Variants in ACSL6 observed in about 807,000 individuals in gnomAD.
ACSL6 encodes long-chain-fatty-acid--CoA ligase 6.
A neutral mutation model predicts 98.2 loss-of-function variants in ACSL6; 47 were observed. The ratio of observed to expected loss-of-function variants is 0.48; its 90% confidence interval spans 0.38 to 0.61. ACSL6 has a LOEUF of 0.61. Ranked by LOEUF, ACSL6 falls within the 20% of genes least tolerant of loss-of-function variation. The probability of loss-of-function intolerance (pLI) is 0.00; values close to 1 mark genes in which losing one functional copy is unlikely to be tolerated. For missense variants in ACSL6, 761 were observed against 913.4 expected (o/e 0.83, Z 2.15); for synonymous variants, 362 against 336.9 (o/e 1.07, Z -0.82).
intron 1 of ACSL6, among the ~76,000 whole-genome samples, chr5:132,001,563 C>T (rs1461291025): frequency 1.3e-5 from 2 of 152,212 alleles, no homozygotes; most frequent in Non-Finnish European, 2.9e-5. Flanking sequence ...GGATACGATA[C>T]GGGGTTGCCA....
chr5:131,963,187 G>T (rs1752826057), intron 17 of ACSL6, among the ~76,000 whole-genome samples: 1 of 152,144 alleles, frequency 6.6e-6, no homozygotes, highest in Admixed American at 6.5e-5. Flanking sequence ...GAGCCCCTGT[G>T]ACTCCTACCT....
rs748749458 is a variant in ACSL6, at chr5:131,959,543, A to T, written c.2024T>A (p.Phe675Tyr). The change falls in exon 20 of 21, where the codon TTT becomes TAT. Residue 675 changes from phenylalanine to tyrosine, a missense_variant. By Grantham distance (22) the Phe-to-Tyr change is conservative. Coordinates refer to ENST00000651883, the MANE Select transcript of ACSL6 (RefSeq NM_001009185.3). ...GGGGAAGGTAACAGTTACCTGCTCA[A>T]AAGAATGGAGTCCACTTTCTTTTCC... ...RLGKESGLHS[F>Y]EQVKAIHIHS... 1 of 1,614,094 alleles carries T rather than the reference A, an allele frequency of 6.2e-7. No homozygotes were observed. The highest frequency in any genetic ancestry group is 1.3e-5 in the African/African-American group (1 of 74,942).
At chr5:131,999,667 G>C (rs1195101984) in intron 1 of ACSL6, 1 of 152,338 alleles carries the variant, frequency 6.6e-6, no homozygotes, top group Non-Finnish European at 1.5e-5. Context: ...TGTGGGAGCA[G>C]GTCTGGCAGG....
intron 13 of ACSL6, among the ~76,000 whole-genome samples, chr5:131,971,958 T>C (rs1438473381): frequency 6.6e-6 from 1 of 152,222 alleles, no homozygotes; most frequent in Non-Finnish European, 1.5e-5. Context: ...AATACACAGC[T>C]GTTCCGTCAC....
At position 132,001,124 on chromosome 5, in the gene ACSL6, G is replaced by T. The variant is rs535821888; in HGVS notation, c.50-6873C>A. Reference sequence around the variant, plus strand: ...TTACTTTTCTCCAAATATCTTCAGAGATGCTTTTAATATGAAAGCTTCCTT... The same window carrying T: ...TTACTTTTCTCCAAATATCTTCAGATATGCTTTTAATATGAAAGCTTCCTT... On this transcript the variant is annotated intron_variant, in intron 1 of 20. Transcript: ENST00000651883. Among the ~76,000 whole-genome samples, 641 of 152,356 alleles carry T rather than the reference G, an allele frequency of 4.2e-3. 4 individuals are homozygous for T. Among genetic ancestry groups the T allele is most frequent in the African/African-American group, 0.013 (557 of 41,588 alleles).
At position 131,988,042 on chromosome 5, in the gene ACSL6, C is replaced by A. The variant is rs748175474; in HGVS notation, c.831+6G>T. The A allele has an allele frequency of 1.2e-6, 2 of 1,612,632 alleles. No homozygotes were observed. The highest frequency in any genetic ancestry group is 1.7e-6 in the Non-Finnish European group (2 of 1,179,100). On this transcript the variant is annotated splice_donor_region_variant and intron_variant, in intron 7 of 20. Transcript: ENST00000651883. ...CCCAGCAAACCGCCCAGAAGCAGAC[C>A]CTCACCTCCACGGCCTGCATGGACT... is the stretch of plus-strand genomic sequence containing the variant.
chr5:131,981,830 C>T (rs1753909006), intron 9 of ACSL6: 1 of 152,386 alleles, frequency 6.6e-6, no homozygotes, highest in Admixed American at 6.6e-5. Flanking sequence ...ACAGCACCAG[C>T]TCCTCCACCC....
rs564352613 is a variant in ACSL6 at position 132,000,741 on chromosome 5, G to A, written c.50-6490C>T. The stretch of plus-strand genomic sequence containing the variant: ...CCCTACCCACATCAGGTGCTTCTGG[G>A]CAATTACGAGTCTGCCTGCACTGGG... On this transcript the variant is annotated intron_variant, in intron 1 of 20. Coordinates refer to ENST00000651883, the MANE Select transcript of ACSL6 (RefSeq NM_001009185.3). 2.6e-5 allele frequency among the ~76,000 whole-genome samples: 4 copies of A among 152,278 alleles called. No homozygotes were observed. In the East Asian group the frequency reaches 7.7e-4, roughly 29 times the overall value.
rs139102621 is a variant in ACSL6 at position 131,980,192 on chromosome 5, G to A, written c.917-3471C>T. 4.5e-4 allele frequency among the ~76,000 whole-genome samples: 68 copies of A among 152,304 alleles called. No individual in the cohort carries two copies. The East Asian group carries it at 5.4e-3, about 12-fold the overall frequency. ...CAAAGGTGGGTTATAATAGTTACCG[G>A]TGACTGACATTCTCTGGAAGTTTCA... On this transcript the variant is annotated intron_variant, in intron 9 of 20. Coordinates refer to ENST00000651883, the MANE Select transcript of ACSL6 (RefSeq NM_001009185.3).
intron 11 of ACSL6, chr5:131,974,015 C>T (rs1213109327): frequency 6.6e-6 from 1 of 152,516 alleles, no homozygotes; most frequent in Non-Finnish European, 1.5e-5. Context: ...GAACACAAAG[C>T]TCAGAGAGGT....
Position 131,966,219 on chromosome 5 carries a change from C to G in ACSL6, c.1713+197G>C, listed in dbSNP as rs551666823. 5.3e-5 allele frequency among the ~76,000 whole-genome samples: 8 copies of G among 152,268 alleles called. No individual in the cohort carries two copies. In the South Asian group the frequency reaches 1.7e-3, roughly 32 times the overall value. On this transcript the variant is annotated intron_variant, in intron 17 of 20. Transcript: ENST00000651883. ...ACACCCACCTGCACAGGTCCCTCAT[C>G]ACCTTCATGAGACGGAGTGAGAAGA...
chr5:132,000,339 A>T (rs927914265), intron 1 of ACSL6, among the ~76,000 whole-genome samples: 1 of 152,042 alleles, frequency 6.6e-6, no homozygotes, highest in African/African-American at 2.4e-5. Flanking sequence ...GCCTGCACTA[A>T]GAGATACTGT....
chr5:131,995,623 C>A (rs956798735), intron 1 of ACSL6, among the ~76,000 whole-genome samples: 1 of 152,186 alleles, frequency 6.6e-6, no homozygotes, highest in East Asian at 1.9e-4. Context: ...AATTGCTTGA[C>A]CCCTGAGAGA....
chr5:131,995,378 T>C (rs966080138), intron 1 of ACSL6, among the ~76,000 whole-genome samples: 10 of 152,154 alleles, frequency 6.6e-5, no homozygotes, highest in African/African-American at 2.4e-4. Flanking sequence ...AGGTGATGGG[T>C]GCTGGCATCC....
intron 1 of ACSL6, 87 bp from the exon 2 acceptor site, chr5:131,994,338 T>G (rs1754682844): frequency 1.7e-6 from 2 of 1,164,758 alleles, no homozygotes. Context: ...ATATCTGGTC[T>G]GAAACACTGT....
Position 131,981,344 on chromosome 5 carries a change from A to C in ACSL6, c.916+4063T>G, listed in dbSNP as rs1033252568. Among the ~76,000 whole-genome samples the C allele has an allele frequency of 1.3e-4, 19 of 151,386 alleles. No homozygotes were observed. In the South Asian group the frequency reaches 1.9e-3, roughly 15 times the overall value. On this transcript the variant is annotated intron_variant, in intron 9 of 20. Transcript: ENST00000651883. ...TATTAAAAAAAAAAAAAAAAAAAAA[A>C]ACACAACTTTCTCCTCAAGTATAAC... is the stretch of plus-strand genomic sequence containing the variant.
Position 131,990,644 on chromosome 5 carries a change from G to A in ACSL6, c.385+209C>T, listed in dbSNP as rs895136621. 3.3e-4 allele frequency among the ~76,000 whole-genome samples: 50 copies of A among 152,198 alleles called. 1 individual carries two copies. The highest frequency in any genetic ancestry group is 1.0e-3 in the African/African-American group (43 of 41,436). On this transcript the variant is annotated intron_variant, in intron 3 of 20. Transcript: ENST00000651883. ...GGCCTAAGGTCAAGCTGCCCCAAGG[G>A]CTGGAACAAAGCTGAGGTCAGCCCT...
At chr5:131,998,798 T>C (rs975914068) in intron 1 of ACSL6, among the ~76,000 whole-genome samples, 2 of 152,210 alleles carry the variant, frequency 1.3e-5, no homozygotes, top group Admixed American at 6.5e-5. Flanking sequence ...TCCTGATATG[T>C]AGATAGGATC....
At position 132,001,329 on chromosome 5, in the gene ACSL6, G is replaced by A. The variant is rs555873297; in HGVS notation, c.50-7078C>T. 3.3e-4 allele frequency among the ~76,000 whole-genome samples: 50 copies of A among 152,276 alleles called. No homozygotes were observed. The South Asian group carries it at 0.01, about 32-fold the overall frequency. On this transcript the variant is annotated intron_variant, in intron 1 of 20. Coordinates refer to ENST00000651883, the MANE Select transcript of ACSL6 (RefSeq NM_001009185.3). ...ACATGTACAACCCTGACCTGCAGAG[G>A]TGCAAACACAGCAGCGCACACTTGC...
Sources: allele counts gnomAD v4.1 joint callset (sites outside exome capture counted in the v4.1 genomes callset), GRCh38; gene constraint gnomAD v4.1.1; transcripts MANE v1.5; gene names NCBI Gene and HGNC (gene_info 2026-07-23, HGNC 2026-07-21).